NEGR1: variants seen among roughly 807,000 people sequenced by gnomAD.
The protein encoded by NEGR1 is IgLON family member 4.
NEGR1 carries 10 observed loss-of-function variants against 40.9 expected under a neutral mutation model. The ratio of observed to expected loss-of-function variants is 0.24; its 90% confidence interval spans 0.15 to 0.42. The LOEUF is 0.42. NEGR1 is among the 10% of genes least tolerant of loss of function. NEGR1 has a pLI of 1.00. For synonymous variants in NEGR1, 185 were observed against 166.8 expected, an observed-to-expected ratio of 1.11 and a Z score of -0.84; for missense variants, 352 against 438.9, an observed-to-expected ratio of 0.80 and a Z score of 1.77.
chr1:72,121,371 T>G (rs901475012), intron 1 of NEGR1, among the ~76,000 whole-genome samples: 1 of 152,042 alleles, frequency 6.6e-6, no homozygotes, highest in Non-Finnish European at 1.5e-5. Context: ...GAACTTCTAC[T>G]TTAGATATAT....
chr1:71,571,424 T>G (rs972088450), intron 6 of NEGR1, among the ~76,000 whole-genome samples: 3 of 152,216 alleles, frequency 2.0e-5, no homozygotes, highest in Non-Finnish European at 2.9e-5. Flanking sequence ...AAATTGATTT[T>G]GCCAAGATGC....
intron 2 of NEGR1, among the ~76,000 whole-genome samples, chr1:71,822,945 A>G (rs181219822): frequency 6.6e-6 from 1 of 152,178 alleles, no homozygotes; most frequent in Admixed American, 6.5e-5. Context: ...GCCAGATTGC[A>G]GGCAATAGTC....
At chr1:71,788,153 G>T (rs1306179145) in intron 2 of NEGR1, among the ~76,000 whole-genome samples, 1 of 151,944 alleles carries the variant, frequency 6.6e-6, no homozygotes, top group Non-Finnish European at 1.5e-5. Context: ...TTCTCAAAGA[G>T]AACCTTTATT....
chr1:71,453,609 A>AT, intron 6 of NEGR1, among the ~76,000 whole-genome samples: 3 of 152,294 alleles, frequency 2.0e-5, no homozygotes, highest in South Asian at 2.1e-4. Flanking sequence ...TAGAATTACA[A>AT]TTTTTACCAG....
At chr1:71,571,171 C>T (rs185402083) in intron 6 of NEGR1, among the ~76,000 whole-genome samples, 1 of 152,306 alleles carries the variant, frequency 6.6e-6, no homozygotes, top group African/African-American at 2.4e-5. Context: ...ATTTTATCAT[C>T]ACTTCCTTCT....
intron 4 of NEGR1, among the ~76,000 whole-genome samples, chr1:71,688,309 C>CATATATATATAT (rs373700339): frequency 0.052 from 2,135 of 40,914 alleles, 158 homozygotes; most frequent in East Asian, 0.057. Context: ...TTTCCCTTTT[C>CATATATATATAT]ATATATATAT....
chr1:72,115,945 G>A (rs1401595357), intron 1 of NEGR1, among the ~76,000 whole-genome samples: 1 of 151,744 alleles, frequency 6.6e-6, no homozygotes, highest in Non-Finnish European at 1.5e-5. Flanking sequence ...GTTGACTTAA[G>A]AGTATCTGGG....
intron 1 of NEGR1, among the ~76,000 whole-genome samples, chr1:72,041,835 A>T (rs1646957563): frequency 6.9e-6 from 1 of 145,214 alleles, no homozygotes; most frequent in South Asian, 2.1e-4. Context: ...CATTATATAT[A>T]TTTTATATAT....
intron 1 of NEGR1, among the ~76,000 whole-genome samples, chr1:72,036,708 T>C (rs755817338): frequency 6.6e-6 from 1 of 151,290 alleles, no homozygotes. Flanking sequence ...ATTAAAGATG[T>C]ATATTCATTT....
intron 3 of NEGR1, among the ~76,000 whole-genome samples, chr1:71,705,860 GAAGGAAGGAAGGAAGGAAGC>G (rs1347140563): frequency 1.3e-5 from 2 of 150,426 alleles, no homozygotes; most frequent in South Asian, 2.1e-4. Flanking sequence ...AGGAAGAGAG[GAAGGAAGGAAGGAAGGAAGC>G]AAGGAAGGAA....
chr1:72,003,472 G>A lies in NEGR1; in HGVS notation c.177-68161C>T, dbSNP rs1447575416. ...AAACACAAGACATAGGTGCAGGATG[G>A]CATAGCAAGTAAAATTAAAGACATT... On this transcript the variant is annotated intron_variant, in intron 1 of 6. Coordinates refer to ENST00000357731, the MANE Select transcript of NEGR1 (RefSeq NM_173808.3). Among the ~76,000 whole-genome samples the A allele has an allele frequency of 2.0e-5, 3 of 151,904 alleles. No individual in the cohort carries two copies. The South Asian group carries it at 6.2e-4, about 32-fold the overall frequency.
intron 1 of NEGR1, among the ~76,000 whole-genome samples, chr1:72,103,925 A>C (rs1305369680): frequency 1.3e-5 from 2 of 152,086 alleles, no homozygotes; most frequent in African/African-American, 4.8e-5. Context: ...AATTTTTAGA[A>C]GATCTGAAGG....
At chr1:71,489,843 G>A (rs1324477472) in intron 6 of NEGR1, 3 of 151,830 alleles carry the variant, frequency 2.0e-5, no homozygotes, top group Non-Finnish European at 4.4e-5. Flanking sequence ...CTTTGTAAAG[G>A]AGGAGGATTT....
chr1:72,143,504 A>G (rs527280657), intron 1 of NEGR1, among the ~76,000 whole-genome samples: 1 of 151,996 alleles, frequency 6.6e-6, no homozygotes, highest in Admixed American at 6.6e-5. Context: ...CAATGTGGCT[A>G]AACATTAAAA....
chr1:71,570,191 A>G (rs1648765428), intron 6 of NEGR1, among the ~76,000 whole-genome samples: 1 of 152,184 alleles, frequency 6.6e-6, no homozygotes, highest in Admixed American at 6.5e-5. Flanking sequence ...ATAAATTTTT[A>G]TGTATTTTTA....
intron 1 of NEGR1, among the ~76,000 whole-genome samples, chr1:72,267,742 G>T (rs1655696630): frequency 6.6e-6 from 1 of 151,246 alleles, no homozygotes; most frequent in South Asian, 2.1e-4. Context: ...TAAAGCATCA[G>T]ATGTCCCTTA....
chr1:71,474,280 A>T (rs1342314774), intron 6 of NEGR1, among the ~76,000 whole-genome samples: 1 of 116,034 alleles, frequency 8.6e-6, no homozygotes, highest in Non-Finnish European at 1.7e-5. Flanking sequence ...AAAACAGGAA[A>T]ATGTGTGTGT....
chr1:71,433,042 A>T (rs1203008929), intron 6 of NEGR1, among the ~76,000 whole-genome samples: 1 of 152,242 alleles, frequency 6.6e-6, no homozygotes, highest in African/African-American at 2.4e-5. Context: ...ATCTGCAATT[A>T]TGAGGAAGGA....
intron 6 of NEGR1, among the ~76,000 whole-genome samples, chr1:71,500,818 T>C (rs1350660112): frequency 6.6e-6 from 1 of 152,098 alleles, no homozygotes; most frequent in African/African-American, 2.4e-5. Flanking sequence ...TCTAGATTAT[T>C]TATAATATCT....
Sources: gnomAD v4.1 joint callset for allele counts (sites outside exome capture counted in the v4.1 genomes callset) on GRCh38, gnomAD v4.1.1 for gene constraint, MANE v1.5 for transcripts, NCBI Gene and HGNC (gene_info 2026-07-23, HGNC 2026-07-21) for gene names.